The following PTPRC variants were observed in gnomAD, a reference collection of about 807,000 sequenced individuals.
PTPRC encodes the protein protein tyrosine phosphatase receptor type C, also known as receptor-type tyrosine-protein phosphatase C.
In PTPRC, 44 loss-of-function variants were observed where a neutral mutation model predicts 155.9. The observed-to-expected ratio is 0.28, with a 90% confidence interval of 0.22 to 0.36. PTPRC has a LOEUF of 0.36. PTPRC is among the 10% of genes least tolerant of loss of function. The probability of loss-of-function intolerance (pLI) is 1.00; values close to 1 mark genes in which losing one functional copy is unlikely to be tolerated. For synonymous variants in PTPRC, 525 were observed against 533.1 expected (o/e 0.98, Z 0.21); for missense variants, 1,401 against 1,564.6 (o/e 0.90, Z 1.76).
At chr1:198,713,093 T>A in intron 12 of PTPRC, 21 bp downstream of exon 12, 1 of 1,613,058 alleles carries the variant, frequency 6.2e-7, no homozygotes, top group Non-Finnish European at 8.5e-7. Context: ...TAGAATTTAA[T>A]TTCATCAGAA....
intron 2 of PTPRC, among the ~76,000 whole-genome samples, chr1:198,652,849 A>T (rs1365619900): frequency 6.6e-6 from 1 of 151,826 alleles, no homozygotes; most frequent in Non-Finnish European, 1.5e-5. Context: ...TAAGAATAAA[A>T]GATGGTGTTA....
In PTPRC at chr1:198,722,433, A is replaced by G; in HGVS notation, c.1677A>G (p.Gly559=). 6.9e-7 allele frequency: 1 copy of G among 1,458,152 alleles called. No individual in the cohort carries two copies. Among genetic ancestry groups the G allele is most frequent in the Non-Finnish European group, 9.1e-7 (1 of 1,097,534 alleles). 90.3% of individuals were successfully genotyped at this position (1,458,152 alleles called of 1,614,324 possible). The change falls in exon 15 of 33, where the codon GGA becomes GGG. Residue 559 remains glycine, a synonymous_variant. Transcript: ENST00000442510. The part of the protein sequence containing the change: ...DYTFKAYFHN[G]DYPGEPFILH... ...AAATTCAGGCCTATTTTCACAATGG[A>G]GACTATCCTGGAGAACCCTTTATTT... is the stretch of plus-strand genomic sequence containing the variant.
At chr1:198,702,617 C>A in intron 6 of PTPRC, 87 bp downstream of exon 6, 3 of 1,534,106 alleles carry the variant, frequency 2.0e-6, no homozygotes, top group East Asian at 2.2e-5. Flanking sequence ...TTATTTTGTG[C>A]CAGATATTAT....
chr1:198,642,199 T>C (rs914533999), intron 2 of PTPRC, among the ~76,000 whole-genome samples: 5 of 152,060 alleles, frequency 3.3e-5, no homozygotes, highest in African/African-American at 1.2e-4. Flanking sequence ...CTTAGTTCTT[T>C]CTTTGTTCTG....
intron 2 of PTPRC, among the ~76,000 whole-genome samples, chr1:198,668,717 A>G (rs1168843237): frequency 6.6e-6 from 1 of 152,230 alleles, no homozygotes; most frequent in Non-Finnish European, 1.5e-5. Flanking sequence ...GGAATTAGGT[A>G]GGTTCTGTAT....
At position 198,699,702 on chromosome 1, in the gene PTPRC, C is replaced by T; in HGVS notation, c.437C>T (p.Ser146Leu). ...CCTACCCCAGGCAGCAATGCTATCT[C>T]AGGTTTGCGGGTCCTTTAGACTTGT... The part of the protein sequence containing the change: ...LNPTPGSNAI[S>L]DVPGERSTAS... Residue 146 changes from serine to leucine, a missense_variant and splice_region_variant, in exon 5 of 33, where the codon TCA (serine) becomes TTA (leucine). By Grantham distance (145) the Ser-to-Leu change is moderately radical. Coordinates refer to ENST00000442510, the MANE Select transcript of PTPRC (RefSeq NM_002838.5). The T allele has an allele frequency of 1.2e-6, 2 of 1,614,176 alleles. No homozygotes were observed. Among genetic ancestry groups the T allele is most frequent in the Non-Finnish European group, 1.7e-6 (2 of 1,180,036 alleles).
chr1:198,709,639 G>A (rs747079104), intron 10 of PTPRC, 48 bp from the exon 11 acceptor site: 14 of 1,405,594 alleles, frequency 1.0e-5, no homozygotes, highest in African/African-American at 4.4e-5. Flanking sequence ...AAATGTGTGC[G>A]TGAAATATTG....
chr1:198,654,545 C>T (rs1205325015), intron 2 of PTPRC, among the ~76,000 whole-genome samples: 4 of 151,686 alleles, frequency 2.6e-5, no homozygotes, highest in African/African-American at 7.3e-5. Context: ...TCCTATTTTA[C>T]AATTGTAGCA....
intron 23 of PTPRC, among the ~76,000 whole-genome samples, chr1:198,738,977 C>G (rs1216817495): frequency 6.6e-6 from 1 of 151,750 alleles, no homozygotes; most frequent in Non-Finnish European, 1.5e-5. Context: ...TTATATTACA[C>G]TTTGCTTGTT....
chr1:198,754,989 G>C (rs985206274), intron 32 of PTPRC, among the ~76,000 whole-genome samples: 1 of 152,106 alleles, frequency 6.6e-6, no homozygotes, highest in Non-Finnish European at 1.5e-5. Flanking sequence ...CAGAAGACTA[G>C]CCCAGGCCTA....
intron 20 of PTPRC, 29 bp downstream of exon 20, chr1:198,732,585 C>G: frequency 6.7e-7 from 1 of 1,498,758 alleles, no homozygotes; most frequent in South Asian, 1.1e-5. Context: ...TTTTCTTATA[C>G]CTACATATTT....
chr1:198,664,609 G>T lies in PTPRC; in HGVS notation c.73+25268G>T, dbSNP rs948586893. Among the ~76,000 whole-genome samples, 7 of 152,158 alleles carry T rather than the reference G, an allele frequency of 4.6e-5. No individual in the cohort carries two copies. The East Asian group carries it at 1.3e-3, about 29-fold the overall frequency. On this transcript the variant is annotated intron_variant, in intron 2 of 32. Coordinates refer to ENST00000442510, the MANE Select transcript of PTPRC (RefSeq NM_002838.5). ...TGGCCTTTAATACTATATAGTGAAT[G>T]ATTTTTGAAAATTTGGAAAACTCTA...
intron 4 of PTPRC, among the ~76,000 whole-genome samples, chr1:198,697,811 A>G (rs186813469): frequency 5.3e-4 from 80 of 152,342 alleles, no homozygotes; most frequent in Admixed American, 3.7e-3. Context: ...AATTTTGTTT[A>G]GGGTACATCA....
At chr1:198,738,907 T>C (rs914413561) in intron 23 of PTPRC, among the ~76,000 whole-genome samples, 7 of 151,678 alleles carry the variant, frequency 4.6e-5, no homozygotes, top group Admixed American at 2.0e-4. Context: ...AAATAACACA[T>C]GAATTGAAAC....
chr1:198,700,006 G>A (rs556964340), intron 5 of PTPRC: 2 of 472,220 alleles, frequency 4.2e-6, no homozygotes, highest in South Asian at 4.4e-5. Flanking sequence ...AAAACTTTTT[G>A]TTAGAAGTAA....
chr1:198,648,832 G>A (rs1663078883), intron 2 of PTPRC, among the ~76,000 whole-genome samples: 1 of 151,666 alleles, frequency 6.6e-6, no homozygotes, highest in South Asian at 2.1e-4. Context: ...GTGATATGAT[G>A]GAAAGAATGG....
Position 198,648,581 on chromosome 1 carries a change from A to G in PTPRC, c.73+9240A>G, listed in dbSNP as rs539870800. Among the ~76,000 whole-genome samples the G allele has an allele frequency of 3.3e-5, 5 of 151,910 alleles. No individual in the cohort carries two copies. The South Asian group carries it at 1.0e-3, about 31-fold the overall frequency. On this transcript the variant is annotated intron_variant, in intron 2 of 32. Transcript: ENST00000442510. ...TTCTCAGAGGTTGTTTGTGTGACATATGCATGTAAGTTCATTCACCTGATT... is the reference window on the plus strand; with the variant it reads ...TTCTCAGAGGTTGTTTGTGTGACATGTGCATGTAAGTTCATTCACCTGATT...
chr1:198,693,725 A>G (rs2102374033), intron 3 of PTPRC, among the ~76,000 whole-genome samples: 1 of 152,358 alleles, frequency 6.6e-6, no homozygotes, highest in Middle Eastern at 3.4e-3. Flanking sequence ...TGGAATTGGC[A>G]ATTGAGTCAG....
chr1:198,731,794 T>C (rs571240520), intron 18 of PTPRC, 68 bp downstream of exon 18: 2 of 1,225,330 alleles, frequency 1.6e-6, no homozygotes, highest in South Asian at 2.4e-5. Flanking sequence ...AGTGTATTTA[T>C]ATTGCCATTT....
Sources: gnomAD v4.1 joint callset for allele counts (sites outside exome capture counted in the v4.1 genomes callset) on GRCh38, gnomAD v4.1.1 for gene constraint, MANE v1.5 for transcripts, NCBI Gene and HGNC (gene_info 2026-07-23, HGNC 2026-07-21) for gene names.